The following HAAO variants were observed in gnomAD, a reference collection of about 807,000 sequenced individuals.
The protein encoded by HAAO is 3-hydroxyanthranilate 3,4-dioxygenase, also known as 3-hydroxyanthranilate oxygenase.
HAAO carries 49 observed loss-of-function variants against 46.2 expected under a neutral mutation model. The observed-to-expected ratio is 1.06, with a 90% CI of 0.84 to 1.34. HAAO has a LOEUF of 1.34. Among genes scored for constraint, HAAO ranks in the 40% most tolerant of loss-of-function variants. The probability of loss-of-function intolerance (pLI) is 0.00; values close to 1 mark genes in which losing one functional copy is unlikely to be tolerated. For missense variants in HAAO, 408 were observed against 364.5 expected, an observed-to-expected ratio of 1.12 and a Z score of -0.97; for synonymous variants, 157 against 145.2, an observed-to-expected ratio of 1.08 and a Z score of -0.58.
chr2:42,786,866 G>A (rs1318496576), intron 2 of HAAO, among the ~76,000 whole-genome samples: 1 of 152,138 alleles, frequency 6.6e-6, no homozygotes, highest in Non-Finnish European at 1.5e-5. Context: ...ACCCAGGTCT[G>A]AGCAACTCCC....
intron 4 of HAAO, among the ~76,000 whole-genome samples, chr2:42,776,837 T>A (rs1306394008): frequency 6.6e-6 from 1 of 150,934 alleles, no homozygotes; most frequent in African/African-American, 2.4e-5. Flanking sequence ...TTTCACTATC[T>A]TGGCCAGGTG....
In HAAO at chr2:42,792,566, G is replaced by C. The variant is rs753588210; in HGVS notation, c.-30C>G. On this transcript the variant is annotated 5_prime_UTR_variant, in exon 1 of 10. Transcript: ENST00000294973. The stretch of plus-strand genomic sequence containing the variant: ...GTCCCGGGCGCCTCCTCGCAGCGCT[G>C]TCCTCCCGCCGTCGGAGGCCCGCAG... 1 of 1,493,548 alleles carries C rather than the reference G, an allele frequency of 6.7e-7. No homozygotes were observed. The highest frequency in any genetic ancestry group is 1.3e-5 in the South Asian group (1 of 78,228). The allele number at this position is 1,493,548 out of a possible 1,614,324, so 92.5% of individuals were successfully genotyped here. A position where few individuals can be genotyped will look rare whatever the true frequency, so the allele number is the denominator to read the frequency against.
chr2:42,782,612 G>GA (rs1672084098), intron 4 of HAAO, among the ~76,000 whole-genome samples: 1 of 152,224 alleles, frequency 6.6e-6, no homozygotes, highest in Non-Finnish European at 1.5e-5. Context: ...AGGCTAAAGG[G>GA]AAAAATCAAG....
rs534302281 is a variant in HAAO, at chr2:42,767,595, G to C, written c.782C>G (p.Ser261Trp). 3 of 1,577,262 alleles carry C rather than the reference G, an allele frequency of 1.9e-6. No homozygotes were observed. Among genetic ancestry groups the C allele is most frequent in the Admixed American group, 1.9e-5 (1 of 53,952 alleles). Residue 261 changes from serine (S) to tryptophan (W), a missense_variant and splice_region_variant, in exon 9 of 10, where the codon TCG becomes TGG. Physicochemically the swap from Ser to Trp is radical, Grantham distance 177 (BLOSUM62 -3). Transcript: ENST00000294973. ...GGGAAAGCCCTCCCTGCGTACTCAC[G>C]AGGTCCCAGCTAGCACCAGGAGGCT... is the stretch of plus-strand genomic sequence containing the variant. ...DDSLLVLAGTSYAWERTQGSV... is the reference protein window; with the variant it reads ...DDSLLVLAGTWYAWERTQGSV...
At chr2:42,775,163 C>A (rs1190535176) in intron 4 of HAAO, among the ~76,000 whole-genome samples, 5 of 146,518 alleles carry the variant, frequency 3.4e-5, no homozygotes, top group Non-Finnish European at 5.9e-5. Context: ...AGGAGAATTG[C>A]TTGAACCCAG....
chr2:42,780,392 G>C (rs1383279505), intron 4 of HAAO, among the ~76,000 whole-genome samples: 1 of 151,814 alleles, frequency 6.6e-6, no homozygotes, highest in Admixed American at 6.6e-5. Flanking sequence ...ACTTTTAGTA[G>C]AGATGGGGTT....
At chr2:42,769,224 A>G (rs1027528635) in intron 7 of HAAO, among the ~76,000 whole-genome samples, 2 of 152,178 alleles carry the variant, frequency 1.3e-5, no homozygotes, top group Non-Finnish European at 2.9e-5. Flanking sequence ...CTACTCTCCC[A>G]CTAAAGCCTG....
intron 1 of HAAO, among the ~76,000 whole-genome samples, chr2:42,790,482 C>T (rs1430760603): frequency 1.3e-5 from 2 of 149,976 alleles, no homozygotes; most frequent in Non-Finnish European, 3.0e-5. Flanking sequence ...GGTGGACCAG[C>T]CATGGAGTCT....
At chr2:42,785,185 A>C (rs1672296937) in intron 2 of HAAO, among the ~76,000 whole-genome samples, 1 of 152,212 alleles carries the variant, frequency 6.6e-6, no homozygotes, top group Admixed American at 6.5e-5. Flanking sequence ...GGGATGCTTT[A>C]CACATATGTG....
chr2:42,768,231 G>A (rs977211464), intron 7 of HAAO, among the ~76,000 whole-genome samples: 1 of 152,244 alleles, frequency 6.6e-6, no homozygotes, highest in Non-Finnish European at 1.5e-5. Flanking sequence ...GCACATGAGG[G>A]ACGCATTTCC....
At chr2:42,790,009 AG>A (rs1045230539) in intron 1 of HAAO, among the ~76,000 whole-genome samples, 3 of 152,168 alleles carry the variant, frequency 2.0e-5, no homozygotes, top group African/African-American at 7.2e-5. Flanking sequence ...TTGTACACAC[AG>A]GGCACAGCAG....
intron 7 of HAAO, 23 bp downstream of exon 7, chr2:42,769,690 C>A (rs367772126): frequency 1.3e-6 from 2 of 1,576,954 alleles, no homozygotes; most frequent in Non-Finnish European, 1.7e-6. Context: ...GAGGATGCCC[C>A]GGATGCCCCA....
At chr2:42,784,017 C>A in intron 2 of HAAO, 150 bp from the exon 3 acceptor site, 1 of 1,416,330 alleles carries the variant, frequency 7.1e-7, no homozygotes, top group Admixed American at 2.3e-5. Flanking sequence ...TGTCCTGAGG[C>A]CTGTCTCCCC....
intron 4 of HAAO, among the ~76,000 whole-genome samples, chr2:42,776,102 T>G (rs1671552392): frequency 6.6e-6 from 1 of 151,966 alleles, no homozygotes; most frequent in African/African-American, 2.4e-5. Flanking sequence ...GACCCAGGAT[T>G]CGGTGTGGAC....
chr2:42,783,994 G>C, intron 2 of HAAO, 127 bp from the exon 3 acceptor site: 2 of 1,486,656 alleles, frequency 1.3e-6, no homozygotes, highest in Admixed American at 4.2e-5. Context: ...TTGATGGGCA[G>C]CTCCGTCACT....
intron 3 of HAAO, 36 bp downstream of exon 3, chr2:42,783,748 C>T (rs1430230050): frequency 1.3e-6 from 2 of 1,575,598 alleles, no homozygotes; most frequent in Non-Finnish European, 1.7e-6. Flanking sequence ...CTGTGGCCGC[C>T]TTTCTCTTCC....
chr2:42,778,226 T>C (rs1259035570), intron 4 of HAAO, among the ~76,000 whole-genome samples: 1 of 152,184 alleles, frequency 6.6e-6, no homozygotes, highest in African/African-American at 2.4e-5. Flanking sequence ...TTTTCAAAAG[T>C]TAAGGTTATT....
chr2:42,778,696 A>G (rs1391972596), intron 4 of HAAO, among the ~76,000 whole-genome samples: 2 of 152,180 alleles, frequency 1.3e-5, no homozygotes, highest in African/African-American at 2.4e-5. Flanking sequence ...GAAGATGCCA[A>G]TCAAAATAAA....
At position 42,782,471 on chromosome 2, in the gene HAAO, C is replaced by A. The variant is rs188349150; in HGVS notation, c.350+843G>T. Among the ~76,000 whole-genome samples, 5 of 152,290 alleles carry A rather than the reference C, an allele frequency of 3.3e-5. No individual in the cohort carries two copies. In the East Asian group the frequency reaches 9.6e-4, roughly 29 times the overall value. ...ATCTACCCGTCTAGGAATAAACCAT[C>A]CTAGCCATGAGACATCAGACAAAAC... On this transcript the variant is annotated intron_variant, in intron 4 of 9. Coordinates refer to ENST00000294973, the MANE Select transcript of HAAO (RefSeq NM_012205.3).
Sources: allele counts gnomAD v4.1 joint callset (sites outside exome capture counted in the v4.1 genomes callset), GRCh38; gene constraint gnomAD v4.1.1; transcripts MANE v1.5; gene names NCBI Gene and HGNC (gene_info 2026-07-23, HGNC 2026-07-21).